The following ZBBX variants were observed in gnomAD, a reference collection of about 807,000 sequenced individuals.
The protein encoded by ZBBX is zinc finger B-box domain-containing protein 1.
Under a neutral mutation model 108.5 loss-of-function variants are expected in ZBBX, and 101 were observed. The observed-to-expected ratio is 0.93, with a 90% confidence interval of 0.79 to 1.10. The LOEUF (loss-of-function observed/expected upper bound fraction) is 1.10. Ranked by LOEUF, ZBBX falls within the 50% of genes least tolerant of loss-of-function variation. The probability of loss-of-function intolerance (pLI) is 0.00; values close to 1 mark genes in which losing one functional copy is unlikely to be tolerated. For missense variants in ZBBX, 1,009 were observed against 941.4 expected, an observed-to-expected ratio of 1.07 and a Z score of -0.94; for synonymous variants, 356 against 323.4, an observed-to-expected ratio of 1.10 and a Z score of -1.08.
At chr3:167,390,614 T>C (rs1388418252) in intron 1 of ZBBX, among the ~76,000 whole-genome samples, 1 of 152,052 alleles carries the variant, frequency 6.6e-6, no homozygotes, top group Non-Finnish European at 1.5e-5. Context: ...TGATTCTTCC[T>C]ATCCATGAGC....
intron 6 of ZBBX, among the ~76,000 whole-genome samples, chr3:167,363,540 T>C (rs1490102610): frequency 6.6e-6 from 1 of 152,120 alleles, no homozygotes; most frequent in Non-Finnish European, 1.5e-5. Context: ...TTCCTTTCCT[T>C]GGTGAAGGCC....
chr3:167,252,470 T>G (rs62279766), intron 20 of ZBBX, among the ~76,000 whole-genome samples: 50,466 of 151,930 alleles, frequency 0.33, 8,793 homozygotes, highest in East Asian at 0.66. Context: ...CTTATGTCAC[T>G]GTAGCACTTG....
intron 20 of ZBBX, among the ~76,000 whole-genome samples, chr3:167,255,243 T>G (rs1247635547): frequency 3.3e-5 from 5 of 152,146 alleles, no homozygotes; most frequent in Non-Finnish European, 7.4e-5. Context: ...CAGGAAAATG[T>G]CTGCTACATA....
intron 11 of ZBBX, among the ~76,000 whole-genome samples, chr3:167,323,175 T>C (rs1274070940): frequency 1.5e-5 from 2 of 137,078 alleles, no homozygotes; most frequent in Non-Finnish European, 1.6e-5. Context: ...AGAGAAGAAA[T>C]GCCTCCACTA....
chr3:167,269,574 G>A (rs1726172409), intron 20 of ZBBX, among the ~76,000 whole-genome samples: 1 of 152,158 alleles, frequency 6.6e-6, no homozygotes. Context: ...AAAAACCCCA[G>A]AGGAAGTGGT....
At chr3:167,215,547 C>T in the ZBBX span, among the ~76,000 whole-genome samples, 2 of 152,166 alleles carry the variant, frequency 1.3e-5, no homozygotes, top group Admixed American at 6.5e-5. Context: ...TTCTACCACA[C>T]GTACAAAGAA....
chr3:167,203,014 G>A, the ZBBX span, among the ~76,000 whole-genome samples: 2 of 152,058 alleles, frequency 1.3e-5, no homozygotes, highest in African/African-American at 4.8e-5. Context: ...ATGGCAAAAT[G>A]ATCATGATCT....
chr3:167,242,121 A>G (rs1252592536), intron 21 of ZBBX, among the ~76,000 whole-genome samples: 2 of 152,160 alleles, frequency 1.3e-5, no homozygotes, highest in Non-Finnish European at 2.9e-5. Flanking sequence ...TTACTATTTG[A>G]TTCTAAAAAC....
chr3:167,263,757 C>A (rs1176450900), intron 20 of ZBBX, among the ~76,000 whole-genome samples: 1 of 152,180 alleles, frequency 6.6e-6, no homozygotes, highest in Non-Finnish European at 1.5e-5. Flanking sequence ...CATATTAAGT[C>A]TAGTGTTTCT....
the ZBBX span, among the ~76,000 whole-genome samples, chr3:167,199,515 T>C: frequency 6.6e-6 from 1 of 152,192 alleles, no homozygotes. Context: ...ACTTGAAAGT[T>C]TATTATTCCA....
the ZBBX span, among the ~76,000 whole-genome samples, chr3:167,218,711 A>C: frequency 6.6e-6 from 1 of 152,110 alleles, no homozygotes; most frequent in Non-Finnish European, 1.5e-5. Flanking sequence ...GAGAGAAAAG[A>C]ATAAAAAGAA....
chr3:167,405,919 A>G (rs569881531), intron 1 of ZBBX, among the ~76,000 whole-genome samples: 7 of 152,020 alleles, frequency 4.6e-5, no homozygotes, highest in African/African-American at 1.7e-4. Context: ...AAAATACAAA[A>G]CCCTGGGGTG....
chr3:167,318,554 T>C (rs1486648976), intron 12 of ZBBX, among the ~76,000 whole-genome samples: 1 of 151,962 alleles, frequency 6.6e-6, no homozygotes, highest in African/African-American at 2.4e-5. Flanking sequence ...GTACTTCCTT[T>C]GTAATGCCTC....
At chr3:167,289,741 G>A (rs978452690) in intron 18 of ZBBX, among the ~76,000 whole-genome samples, 8 of 152,150 alleles carry the variant, frequency 5.3e-5, no homozygotes, top group Non-Finnish European at 1.0e-4. Flanking sequence ...TGGAACATGA[G>A]TGAGACAGAA....
At chr3:167,366,964 T>C (rs770628712) in intron 5 of ZBBX, 1 of 455,362 alleles carries the variant, frequency 2.2e-6, no homozygotes, top group South Asian at 1.6e-5. Context: ...ATTAAACCAA[T>C]GCTCTATTAG....
the ZBBX span, among the ~76,000 whole-genome samples, chr3:167,216,332 G>A: frequency 6.6e-6 from 1 of 151,206 alleles, no homozygotes; most frequent in Non-Finnish European, 1.5e-5. Context: ...ATACACCACC[G>A]ACAACCAAAC....
intron 9 of ZBBX, among the ~76,000 whole-genome samples, chr3:167,343,958 G>A: frequency 6.6e-6 from 1 of 151,848 alleles, no homozygotes; most frequent in Admixed American, 6.6e-5. Context: ...CCAAAAGGTG[G>A]AAACAACCCG....
chr3:167,215,038 A>T, the ZBBX span, among the ~76,000 whole-genome samples: 1 of 149,280 alleles, frequency 6.7e-6, no homozygotes. Flanking sequence ...ACTTAGAAAG[A>T]TCTCAATTTA....
At chr3:167,320,714 A>G (rs540966926) in intron 12 of ZBBX, among the ~76,000 whole-genome samples, 11 of 152,146 alleles carry the variant, frequency 7.2e-5, no homozygotes, top group Admixed American at 6.6e-4. Context: ...CATCTGTAAT[A>G]AGATATATTG....
Sources: gnomAD v4.1 joint callset for allele counts (sites outside exome capture counted in the v4.1 genomes callset) on GRCh38, gnomAD v4.1.1 for gene constraint, MANE v1.5 for transcripts, NCBI Gene and HGNC (gene_info 2026-07-23, HGNC 2026-07-21) for gene names.